Variants in NVL observed in about 807,000 individuals in gnomAD.
NVL encodes the protein nuclear VCP like.
In NVL, 84 loss-of-function variants were observed where a neutral mutation model predicts 110.2. That is an observed-to-expected ratio of 0.76 (90% CI 0.64 to 0.91). The LOEUF (loss-of-function observed/expected upper bound fraction) is 0.91. Ranked by LOEUF, NVL falls within the 40% of genes least tolerant of loss-of-function variation. NVL has a pLI of 0.00. For synonymous variants in NVL, 354 were observed against 361.1 expected (o/e 0.98, Z 0.22); for missense variants, 882 against 1,035.9 (o/e 0.85, Z 2.04).
chr1:224,301,598 T>C (rs1572003108), intron 9 of NVL: 2 of 226,416 alleles, frequency 8.8e-6, no homozygotes, highest in East Asian at 3.5e-4. Flanking sequence ...TGAGAGGAGT[T>C]TGAGACCAGC....
At chr1:224,279,607 T>G (rs182522844) in intron 16 of NVL, among the ~76,000 whole-genome samples, 3 of 152,314 alleles carry the variant, frequency 2.0e-5, no homozygotes, top group Non-Finnish European at 4.4e-5. Flanking sequence ...TACCCATCAC[T>G]GACCTTCAAT....
intron 10 of NVL, among the ~76,000 whole-genome samples, chr1:224,300,159 A>C (rs562312160): frequency 3.3e-5 from 5 of 152,358 alleles, no homozygotes; most frequent in Admixed American, 2.0e-4. Flanking sequence ...GACAGAATTT[A>C]TTCTGGTATT....
chr1:224,304,800 C>T lies in NVL; in HGVS notation c.761G>A (p.Gly254Glu), dbSNP rs1202437958. ...CACGTTGGAGATCTGGAATTCTAAC[C>T]CCCTGGCTTTAGCTGGTAAACAAAA... is the stretch of plus-strand genomic sequence containing the variant. ...AVLQKKAKAR[G>E]LEFQISNVKF... The change falls in exon 8 of 23, where the codon GGG becomes GAG. Residue 254 changes from glycine (G) to glutamate (E), a missense_variant. Physicochemically the swap from Gly to Glu is moderately conservative, Grantham distance 98. Coordinates refer to ENST00000281701, the MANE Select transcript of NVL (RefSeq NM_002533.4). 1 of 1,613,912 alleles carries T rather than the reference C, an allele frequency of 6.2e-7. No individual in the cohort carries two copies. The highest frequency in any genetic ancestry group is 1.7e-5 in the Admixed American group (1 of 60,020).
chr1:224,264,376 T>C (rs1277763654), intron 18 of NVL, among the ~76,000 whole-genome samples: 1 of 151,250 alleles, frequency 6.6e-6, no homozygotes, highest in Non-Finnish European at 1.5e-5. Context: ...GCCTCCTGAG[T>C]AGCCGGGATT....
intron 1 of NVL, among the ~76,000 whole-genome samples, chr1:224,329,050 A>G (rs1671425577): frequency 6.6e-6 from 1 of 151,786 alleles, no homozygotes; most frequent in Non-Finnish European, 1.5e-5. Context: ...AAATAATAAT[A>G]ATAATAATAA....
At chr1:224,324,604 A>G (rs998865344) in intron 2 of NVL, among the ~76,000 whole-genome samples, 1 of 151,696 alleles carries the variant, frequency 6.6e-6, no homozygotes, top group Non-Finnish European at 1.5e-5. Flanking sequence ...AATTATTTCT[A>G]TTTTCATTTT....
At chr1:224,242,913 C>A (rs1202621078) in intron 19 of NVL, among the ~76,000 whole-genome samples, 1 of 140,984 alleles carries the variant, frequency 7.1e-6, no homozygotes, top group Non-Finnish European at 1.5e-5. Context: ...GCAACCTCTG[C>A]CTCTGGGTTC....
chr1:224,284,029 A>T (rs1666627079), intron 15 of NVL, among the ~76,000 whole-genome samples: 1 of 152,236 alleles, frequency 6.6e-6, no homozygotes, highest in Admixed American at 6.5e-5. Context: ...AATATTTTTA[A>T]AAGTTGATAA....
intron 10 of NVL, among the ~76,000 whole-genome samples, chr1:224,297,429 T>A (rs1047943135): frequency 2.0e-5 from 3 of 152,106 alleles, no homozygotes; most frequent in African/African-American, 7.2e-5. Context: ...GTAGTCAAAT[T>A]CATTAAGACA....
In NVL at chr1:224,253,170, A is replaced by G. The variant is rs140975527; in HGVS notation, c.2183-2852T>C. ...AAGCAGTTCTCTGCATCAGCCTCCC[A>G]AGTAGCTGAGATTACAAGTGTGCCC... On this transcript the variant is annotated intron_variant, in intron 18 of 22. Coordinates refer to ENST00000281701, the MANE Select transcript of NVL (RefSeq NM_002533.4). Among the ~76,000 whole-genome samples the G allele has an allele frequency of 5.9e-3, 888 of 151,484 alleles. 6 individuals are homozygous for G. Among genetic ancestry groups the G allele is most frequent in the African/African-American group, 0.02 (843 of 41,272 alleles).
chr1:224,242,119 G>A (rs1314888453), intron 19 of NVL, among the ~76,000 whole-genome samples: 3 of 152,130 alleles, frequency 2.0e-5, no homozygotes, highest in African/African-American at 7.2e-5. Flanking sequence ...GAGACAGAAA[G>A]TAGAATGGTG....
At chr1:224,314,368 T>C (rs187144034) in intron 4 of NVL, among the ~76,000 whole-genome samples, 81 of 152,300 alleles carry the variant, frequency 5.3e-4, no homozygotes, top group African/African-American at 1.9e-3. Context: ...AAGGCTGAGC[T>C]ACAAACAGTA....
In NVL at chr1:224,329,716, C is replaced by T. The variant is rs545714348; in HGVS notation, c.57+355G>A. On this transcript the variant is annotated intron_variant, in intron 1 of 22. Transcript: ENST00000281701. The stretch of plus-strand genomic sequence containing the variant: ...GCCACCCCTTCTCAAGGACCTCTTA[C>T]AATGCGAGCGTTTGAAGACCATTCC... Among the ~76,000 whole-genome samples, 15 of 152,288 alleles carry T rather than the reference C, an allele frequency of 9.8e-5. No homozygotes were observed. The South Asian group carries it at 2.9e-3, about 29-fold the overall frequency.
intron 10 of NVL, among the ~76,000 whole-genome samples, chr1:224,299,025 C>T (rs1433628812): frequency 1.3e-5 from 2 of 152,080 alleles, no homozygotes; most frequent in Admixed American, 1.3e-4. Flanking sequence ...AATCATTTTA[C>T]TCAATCAGTT....
chr1:224,313,358 GAAGAA>G (rs1669747863), intron 4 of NVL, among the ~76,000 whole-genome samples: 1 of 148,952 alleles, frequency 6.7e-6, no homozygotes, highest in African/African-American at 2.5e-5. Context: ...CATAAAGAAA[GAAGAA>G]AAAAGTGTAA....
At chr1:224,247,668 C>CAAAAAAAAAAAAAAAAAA (rs529233393) in intron 19 of NVL, among the ~76,000 whole-genome samples, 4 of 145,812 alleles carry the variant, frequency 2.7e-5, no homozygotes, top group African/African-American at 1.0e-4. Flanking sequence ...CACTCTGTCT[C>CAAAAAAAAAAAAAAAAAA]AAAAAAAAAA....
intron 4 of NVL, 163 bp from the exon 5 acceptor site, chr1:224,312,020 T>C (rs1669574949): frequency 8.4e-6 from 5 of 592,872 alleles, no homozygotes; most frequent in Non-Finnish European, 1.5e-5. Flanking sequence ...CTTAACCAGT[T>C]ATTACTTAAC....
chr1:224,325,903 C>G (rs1292737407), intron 2 of NVL, among the ~76,000 whole-genome samples: 1 of 152,186 alleles, frequency 6.6e-6, no homozygotes, highest in Non-Finnish European at 1.5e-5. Context: ...CCTCCCACCT[C>G]AGCCTCCCAA....
At chr1:224,255,224 C>G (rs1663076456) in intron 18 of NVL, among the ~76,000 whole-genome samples, 1 of 118,194 alleles carries the variant, frequency 8.5e-6, no homozygotes, top group African/African-American at 3.2e-5. Context: ...GGGTCTCGCT[C>G]TGCCGTCCAG....
Sources: gnomAD v4.1 joint callset for allele counts (sites outside exome capture counted in the v4.1 genomes callset) on GRCh38, gnomAD v4.1.1 for gene constraint, MANE v1.5 for transcripts, NCBI Gene and HGNC (gene_info 2026-07-23, HGNC 2026-07-21) for gene names.